NOS1: variants seen among roughly 807,000 people sequenced by gnomAD.
The protein encoded by NOS1 is nitric oxide synthase 1.
In NOS1, 51 loss-of-function variants were observed where a neutral mutation model predicts 164.5. The observed-to-expected ratio is 0.31, with a 90% CI of 0.25 to 0.39. NOS1 has a LOEUF of 0.39. NOS1 is among the 10% of genes least tolerant of loss of function. NOS1 has a pLI of 1.00. For synonymous variants in NOS1, 719 were observed against 745.8 expected (o/e 0.96, Z 0.59); for missense variants, 1,362 against 1,885.6 (o/e 0.72, Z 5.14).
rs77743852 is a variant in NOS1, at chr12:117,354,753, T to C, written c.-421+6759A>G. 9.5e-3 allele frequency among the ~76,000 whole-genome samples: 1,450 copies of C among 152,310 alleles called. 27 individuals carry two copies. The highest frequency in any genetic ancestry group is 0.033 in the African/African-American group (1,351 of 41,560). On this transcript the variant is annotated intron_variant, in intron 1 of 28. Coordinates refer to ENST00000317775, the MANE Select transcript of NOS1 (RefSeq NM_000620.5). ...GATGCCTGTTTTGGACACCATGAGC[T>C]ACCTTGAGGGTAGGGACTCTGTCTT...
intron 16 of NOS1, among the ~76,000 whole-genome samples, chr12:117,255,436 G>T (rs1190494368): frequency 1.3e-5 from 2 of 152,168 alleles, no homozygotes; most frequent in South Asian, 2.1e-4. Context: ...AAAAGAAATT[G>T]TGCATTCTAG....
intron 2 of NOS1, among the ~76,000 whole-genome samples, chr12:117,324,926 G>T (rs1875169324): frequency 6.6e-6 from 1 of 152,202 alleles, no homozygotes; most frequent in Admixed American, 6.5e-5. Flanking sequence ...AAACTACAGG[G>T]ACGTCCCATG....
At chr12:117,308,122 G>A (rs534009907) in intron 3 of NOS1, among the ~76,000 whole-genome samples, 3 of 152,272 alleles carry the variant, frequency 2.0e-5, no homozygotes, top group South Asian at 4.2e-4. Flanking sequence ...ATAAGAGGGA[G>A]ACAATAGGGA....
rs184240222 is a variant in NOS1, at chr12:117,328,055, G to A, written c.725+2290C>T. 3.9e-5 allele frequency among the ~76,000 whole-genome samples: 6 copies of A among 152,208 alleles called. No homozygotes were observed. The East Asian group carries it at 9.7e-4, about 25-fold the overall frequency. On this transcript the variant is annotated intron_variant, in intron 2 of 28. Coordinates refer to ENST00000317775, the MANE Select transcript of NOS1 (RefSeq NM_000620.5). ...GCATGCCAAGCAGTGCCTCAAACAC[G>A]TTAAGCACACTCCTACCTGAGGACT...
intron 16 of NOS1, among the ~76,000 whole-genome samples, chr12:117,254,815 A>C (rs1871319901): frequency 6.6e-6 from 1 of 152,172 alleles, no homozygotes; most frequent in Admixed American, 6.5e-5. Flanking sequence ...GAACATTTAC[A>C]TCTCTCTAGA....
intron 3 of NOS1, among the ~76,000 whole-genome samples, chr12:117,307,671 A>C (rs1277867500): frequency 1.3e-5 from 2 of 152,180 alleles, no homozygotes; most frequent in East Asian, 3.9e-4. Flanking sequence ...CCAGCCAAAA[A>C]AATCTTTCTT....
chr12:117,331,283 G>A lies in NOS1; in HGVS notation c.-214C>T, dbSNP rs1044011972. On this transcript the variant is annotated 5_prime_UTR_variant, in exon 2 of 29. Transcript: ENST00000317775. Reference sequence around the variant, plus strand: ...GTCGGTGGCATGATTTCCTGCATCCGCCTCTCTCCTTATTCTCTAAGGAAG... The same window carrying A: ...GTCGGTGGCATGATTTCCTGCATCCACCTCTCTCCTTATTCTCTAAGGAAG... The A allele has an allele frequency of 3.4e-6, 2 of 582,176 alleles. No homozygotes were observed. The highest frequency in any genetic ancestry group is 2.2e-5 in the South Asian group (1 of 44,516). 36.1% of individuals were successfully genotyped at this position (582,176 alleles called of 1,614,324 possible).
intron 3 of NOS1, among the ~76,000 whole-genome samples, chr12:117,299,095 G>A (rs762288867): frequency 3.3e-5 from 5 of 152,304 alleles, no homozygotes; most frequent in Middle Eastern, 3.4e-3. Flanking sequence ...AGCCCTGGGC[G>A]GCATCGCACC....
Position 117,338,234 on chromosome 12 carries a change from A to C in NOS1, c.-420-6745T>G, listed in dbSNP as rs554441477. Among the ~76,000 whole-genome samples the C allele has an allele frequency of 9.2e-5, 14 of 151,866 alleles. No individual in the cohort carries two copies. In the South Asian group the frequency reaches 1.5e-3, roughly 16 times the overall value. ...TCTGTCTCAAACAAAACAAAAAAAA[A>C]CAAAACAAAACAAAATAAAAATTAG... On this transcript the variant is annotated intron_variant, in intron 1 of 28. Transcript: ENST00000317775.
intron 3 of NOS1, among the ~76,000 whole-genome samples, chr12:117,290,690 G>A (rs1872992352): frequency 6.6e-6 from 1 of 152,010 alleles, no homozygotes; most frequent in Admixed American, 6.6e-5. Context: ...ACTCAAAGGT[G>A]GTCTCTCTGG....
At chr12:117,342,661 A>G (rs1181266575) in intron 1 of NOS1, among the ~76,000 whole-genome samples, 1 of 152,192 alleles carries the variant, frequency 6.6e-6, no homozygotes, top group Non-Finnish European at 1.5e-5. Flanking sequence ...CTTTATTCTT[A>G]GAGCGATGGC....
At chr12:117,309,451 G>A (rs1202737335) in intron 3 of NOS1, 7 of 885,390 alleles carry the variant, frequency 7.9e-6, no homozygotes, top group Non-Finnish European at 9.5e-6. Flanking sequence ...GTTTAGGTGC[G>A]CTGGCAGTGA....
At chr12:117,326,743 G>A (rs1421324150) in intron 2 of NOS1, among the ~76,000 whole-genome samples, 4 of 152,212 alleles carry the variant, frequency 2.6e-5, no homozygotes, top group Admixed American at 1.3e-4. Flanking sequence ...ATGGCAGGCC[G>A]ACTTGTCCCT....
At chr12:117,360,539 C>T (rs1320904490) in intron 1 of NOS1, among the ~76,000 whole-genome samples, 1 of 152,250 alleles carries the variant, frequency 6.6e-6, no homozygotes. Flanking sequence ...ACCCCAATCT[C>T]GCCCAGACGG....
At chr12:117,294,120 C>A (rs1873243710) in intron 3 of NOS1, among the ~76,000 whole-genome samples, 1 of 152,198 alleles carries the variant, frequency 6.6e-6, no homozygotes, top group Admixed American at 6.5e-5. Context: ...AGCCATTCTC[C>A]CTACATACCC....
intron 21 of NOS1, among the ~76,000 whole-genome samples, chr12:117,233,577 C>T (rs954192016): frequency 4.6e-5 from 7 of 150,706 alleles, no homozygotes; most frequent in Admixed American, 4.0e-4. Flanking sequence ...GAGGCCAAGG[C>T]GGGTGGATTA....
At chr12:117,347,102 G>C (rs544552576) in intron 1 of NOS1, among the ~76,000 whole-genome samples, 1 of 152,114 alleles carries the variant, frequency 6.6e-6, no homozygotes, top group Non-Finnish European at 1.5e-5. Flanking sequence ...GCCTGGCCAA[G>C]ATGGTAAAAC....
At chr12:117,226,829 C>A in intron 23 of NOS1, 59 bp from the exon 24 acceptor site, 1 of 1,356,094 alleles carries the variant, frequency 7.4e-7, no homozygotes, top group Non-Finnish European at 1.0e-6. Context: ...GGCCTCCCCT[C>A]CTCCCTCCAG....
chr12:117,277,500 G>A (rs1000763571), intron 9 of NOS1, among the ~76,000 whole-genome samples: 43 of 152,106 alleles, frequency 2.8e-4, no homozygotes, highest in African/African-American at 1.0e-3. Context: ...GGGTTGAGGT[G>A]GGAGGATCAC....
Sources: gnomAD v4.1 joint callset for allele counts (sites outside exome capture counted in the v4.1 genomes callset) on GRCh38, gnomAD v4.1.1 for gene constraint, MANE v1.5 for transcripts, NCBI Gene and HGNC (gene_info 2026-07-23, HGNC 2026-07-21) for gene names.